Variants in HSD17B2 observed in about 807,000 individuals in gnomAD.
The protein encoded by HSD17B2 is hydroxysteroid 17-beta dehydrogenase 2, also known as 17-beta-hydroxysteroid dehydrogenase type 2.
Under a neutral mutation model 26.9 loss-of-function variants are expected in HSD17B2, and 32 were observed. That is an observed-to-expected ratio of 1.19 (90% CI 0.90 to 1.60). HSD17B2 has a LOEUF of 1.60. Among genes scored for constraint, HSD17B2 ranks in the 40% most tolerant of loss-of-function variants. The probability of loss-of-function intolerance (pLI) is 0.00; values close to 1 mark genes in which losing one functional copy is unlikely to be tolerated. For synonymous variants in HSD17B2, 246 were observed against 186.7 expected (o/e 1.32, Z -2.59); for missense variants, 613 against 468.6 (o/e 1.31, Z -2.85).
At chr16:82,042,499 T>C (rs1002872025) in intron 1 of HSD17B2, among the ~76,000 whole-genome samples, 2 of 152,254 alleles carry the variant, frequency 1.3e-5, no homozygotes, top group Non-Finnish European at 2.9e-5. Context: ...CAGTCAATTA[T>C]TGCCACTTTG....
chr16:82,063,069 G>A (rs554519840), intron 1 of HSD17B2: 12 of 152,356 alleles, frequency 7.9e-5, no homozygotes, highest in Admixed American at 3.9e-4. Flanking sequence ...GCCAGTCTAG[G>A]AGGGGGTGTT....
chr16:82,079,105 A>G (rs1454157716), intron 3 of HSD17B2, among the ~76,000 whole-genome samples: 1 of 152,230 alleles, frequency 6.6e-6, no homozygotes, highest in Non-Finnish European at 1.5e-5. Flanking sequence ...ATTATTATGT[A>G]TTGCATGCTT....
intron 1 of HSD17B2, among the ~76,000 whole-genome samples, chr16:82,046,177 G>A (rs1913923105): frequency 6.6e-6 from 1 of 152,190 alleles, no homozygotes; most frequent in East Asian, 1.9e-4. Flanking sequence ...TCGAGATACA[G>A]TGTGGAGCAA....
intron 3 of HSD17B2, among the ~76,000 whole-genome samples, chr16:82,076,296 A>G (rs1256203133): frequency 1.3e-5 from 2 of 152,226 alleles, no homozygotes; most frequent in African/African-American, 4.8e-5. Flanking sequence ...GAATGGGAAC[A>G]AACTGAAATC....
chr16:82,080,429 T>C (rs1231066961), intron 3 of HSD17B2, among the ~76,000 whole-genome samples: 1 of 152,132 alleles, frequency 6.6e-6, no homozygotes, highest in Non-Finnish European at 1.5e-5. Flanking sequence ...AGATGGTACC[T>C]AGGTGGCTTT....
In HSD17B2 at chr16:82,098,482, G is replaced by C. The variant is rs765449958; in HGVS notation, c.*46G>C. 6 of 1,528,794 alleles carry C rather than the reference G, an allele frequency of 3.9e-6. No homozygotes were observed. The highest frequency in any genetic ancestry group is 5.2e-6 in the Non-Finnish European group (6 of 1,144,302). 94.7% of individuals were successfully genotyped at this position (1,528,794 alleles called of 1,614,324 possible). A position where few individuals can be genotyped will look rare whatever the true frequency, so the allele number is the denominator to read the frequency against. On this transcript the variant is annotated 3_prime_UTR_variant, in exon 5 of 5. Coordinates refer to ENST00000199936, the MANE Select transcript of HSD17B2 (RefSeq NM_002153.3). Reference sequence around the variant, plus strand: ...AGTCGGAATGTCATAGTCTTGAAATGAAAGGGAAACTGGGAAACTGGGTTT... The same window carrying C: ...AGTCGGAATGTCATAGTCTTGAAATCAAAGGGAAACTGGGAAACTGGGTTT...
At chr16:82,085,900 G>T (rs902296829) in intron 3 of HSD17B2, among the ~76,000 whole-genome samples, 1 of 151,838 alleles carries the variant, frequency 6.6e-6, no homozygotes, top group African/African-American at 2.4e-5. Flanking sequence ...CCCCTAAAAT[G>T]GCCGTAATGA....
chr16:82,063,764 G>A (rs559543921), intron 1 of HSD17B2, among the ~76,000 whole-genome samples: 114 of 152,292 alleles, frequency 7.5e-4, no homozygotes, highest in African/African-American at 2.6e-3. Flanking sequence ...GGCTGATCAG[G>A]AAGGTCTGTA....
At chr16:82,086,008 C>G (rs369531028) in intron 3 of HSD17B2, among the ~76,000 whole-genome samples, 4 of 151,772 alleles carry the variant, frequency 2.6e-5, no homozygotes, top group African/African-American at 4.8e-5. Context: ...GAAATTGGAA[C>G]CCTCTTATAC....
intron 3 of HSD17B2, among the ~76,000 whole-genome samples, chr16:82,090,503 G>C (rs145082935): frequency 1.1e-4 from 17 of 151,924 alleles, no homozygotes; most frequent in Admixed American, 7.9e-4. Flanking sequence ...GTTTTTAGTA[G>C]AGACGGAGCT....
At chr16:82,051,993 A>G (rs4243229) in intron 1 of HSD17B2, among the ~76,000 whole-genome samples, 145,608 of 152,320 alleles carry the variant, frequency 0.96, 69,792 homozygotes, top group Non-Finnish European at 0.99. Flanking sequence ...AGGGCTCACC[A>G]TCACCAAGGA....
intron 1 of HSD17B2, among the ~76,000 whole-genome samples, chr16:82,066,052 A>T (rs1347345009): frequency 6.6e-6 from 1 of 152,232 alleles, no homozygotes; most frequent in Non-Finnish European, 1.5e-5. Flanking sequence ...TTTGTCCAGC[A>T]ACAGGTCCAT....
chr16:82,067,873 T>C (rs1302094051), intron 1 of HSD17B2, among the ~76,000 whole-genome samples: 4 of 152,176 alleles, frequency 2.6e-5, no homozygotes, highest in Non-Finnish European at 5.9e-5. Context: ...CCTTCCCAAT[T>C]ACTTTGGCCA....
At chr16:82,056,754 A>G (rs1188416489) in intron 1 of HSD17B2, among the ~76,000 whole-genome samples, 1 of 152,254 alleles carries the variant, frequency 6.6e-6, no homozygotes, top group African/African-American at 2.4e-5. Flanking sequence ...GAAGTTGACT[A>G]TATTCAGAGA....
At position 82,037,141 on chromosome 16, in the gene HSD17B2, T is replaced by A. The variant is rs8191064; in HGVS notation, c.265+1452T>A. ...GTTGAGTGAGGATGATTGAATCAATTAGGCAACTCAAGCTCAAGGACTAAT... is the reference window on the plus strand; with the variant it reads ...GTTGAGTGAGGATGATTGAATCAATAAGGCAACTCAAGCTCAAGGACTAAT... On this transcript the variant is annotated intron_variant, in intron 1 of 4. Transcript: ENST00000199936. Among the ~76,000 whole-genome samples, 5 of 152,324 alleles carry A rather than the reference T, an allele frequency of 3.3e-5. No individual in the cohort carries two copies. The East Asian group carries it at 9.6e-4, about 29-fold the overall frequency.
At chr16:82,053,393 T>C (rs1418375581) in intron 1 of HSD17B2, among the ~76,000 whole-genome samples, 1 of 152,160 alleles carries the variant, frequency 6.6e-6, no homozygotes, top group Admixed American at 6.5e-5. Context: ...AAGATCGAAA[T>C]ATCATCATTT....
intron 1 of HSD17B2, among the ~76,000 whole-genome samples, chr16:82,039,216 ACT>A (rs988969181): frequency 2.7e-5 from 4 of 149,640 alleles, no homozygotes; most frequent in African/African-American, 7.4e-5. Context: ...GGATTTTGGG[ACT>A]CTGTTTTCTC....
intron 1 of HSD17B2, among the ~76,000 whole-genome samples, chr16:82,063,450 G>A (rs114380743): frequency 0.015 from 2,267 of 152,176 alleles, 68 homozygotes; most frequent in African/African-American, 0.052. Context: ...GAATAGCAGG[G>A]CTAGACTCGC....
chr16:82,055,486 CA>C (rs529867464), intron 1 of HSD17B2, among the ~76,000 whole-genome samples: 99 of 152,196 alleles, frequency 6.5e-4, no homozygotes, highest in African/African-American at 2.3e-3. Context: ...ACATGCTCAA[CA>C]AAGAGCTATT....
Sources: gnomAD v4.1 joint callset for allele counts (sites outside exome capture counted in the v4.1 genomes callset) on GRCh38, gnomAD v4.1.1 for gene constraint, MANE v1.5 for transcripts, NCBI Gene and HGNC (gene_info 2026-07-23, HGNC 2026-07-21) for gene names.